Variants in RIPOR2 observed in about 807,000 individuals in gnomAD.
RIPOR2 encodes RHO family interacting cell polarization regulator 2, also known as rho family-interacting cell polarization regulator 2.
Under a neutral mutation model 114.5 loss-of-function variants are expected in RIPOR2, and 39 were observed. That is an observed-to-expected ratio of 0.34 (90% CI 0.26 to 0.44). The LOEUF (loss-of-function observed/expected upper bound fraction) is 0.44. RIPOR2 is among the 20% of genes least tolerant of loss of function. The pLI, the probability that RIPOR2 is intolerant of heterozygous loss-of-function variation, is 1.00. For synonymous variants in RIPOR2, 445 were observed against 484.4 expected (o/e 0.92, Z 1.07); for missense variants, 1,007 against 1,255.1 (o/e 0.80, Z 2.99).
intron 7 of RIPOR2, among the ~76,000 whole-genome samples, chr6:24,864,313 G>A (rs1764369604): frequency 6.6e-6 from 1 of 152,130 alleles, no homozygotes; most frequent in Non-Finnish European, 1.5e-5. Flanking sequence ...CTGTGTGACA[G>A]AGCAAGACTC....
chr6:24,983,148 C>T (rs972471885), intron 1 of RIPOR2, among the ~76,000 whole-genome samples: 14 of 151,688 alleles, frequency 9.2e-5, no homozygotes, highest in African/African-American at 3.4e-4. Flanking sequence ...AAACTCTCTA[C>T]TTATGTTAAT....
intron 7 of RIPOR2, among the ~76,000 whole-genome samples, chr6:24,863,137 G>T (rs1273844929): frequency 2.6e-5 from 4 of 151,994 alleles, no homozygotes; most frequent in Non-Finnish European, 5.9e-5. Context: ...ATTTTTAGTA[G>T]AGACGGGGTT....
chr6:24,834,219 A>G (rs956615540), intron 15 of RIPOR2, among the ~76,000 whole-genome samples: 14 of 152,198 alleles, frequency 9.2e-5, no homozygotes, highest in African/African-American at 3.4e-4. Context: ...AGGAGTTATA[A>G]TTGCCAACCA....
intron 15 of RIPOR2, among the ~76,000 whole-genome samples, chr6:24,833,433 G>T (rs558874404): frequency 6.6e-6 from 1 of 151,992 alleles, no homozygotes; most frequent in Non-Finnish European, 1.5e-5. Context: ...CCCTGGAGGC[G>T]GAGGCTGCAG....
At chr6:24,960,875 A>C (rs930236278) in intron 1 of RIPOR2, among the ~76,000 whole-genome samples, 1 of 152,090 alleles carries the variant, frequency 6.6e-6, no homozygotes, top group Non-Finnish European at 1.5e-5. Context: ...ACCACAGCAC[A>C]TGTTATTAAC....
Position 24,809,777 on chromosome 6 carries a change from A to G in RIPOR2, c.2983T>C (p.Leu995=). Residue 995 remains leucine (L), a synonymous_variant, in exon 21 of 22, where the codon TTG becomes CTG. Transcript: ENST00000643898. ...ATTTCTTCAGTATCAGATTGACACA[A>G]TGTCACCAGCATTTTAATGCTTTCA... ...ATESIKMLVT[L]CQSDTEEIRN... is the part of the protein sequence containing the mutation. 6.4e-7 allele frequency: 1 copy of G among 1,550,766 alleles called. No homozygotes were observed. Among genetic ancestry groups the G allele is most frequent in the Non-Finnish European group, 8.7e-7 (1 of 1,146,142 alleles).
At chr6:24,896,445 G>A (rs1001328137) in intron 1 of RIPOR2, among the ~76,000 whole-genome samples, 15 of 151,748 alleles carry the variant, frequency 9.9e-5, no homozygotes, top group Non-Finnish European at 2.2e-4. Context: ...TCTCCTAGAG[G>A]AAAAAAAACT....
intron 19 of RIPOR2, among the ~76,000 whole-genome samples, chr6:24,820,835 A>G (rs1223044792): frequency 6.7e-6 from 1 of 149,014 alleles, no homozygotes; most frequent in East Asian, 2.0e-4. Flanking sequence ...ATCTGTGTAC[A>G]AGGTTTTTTT....
intron 20 of RIPOR2, 135 bp from the exon 21 acceptor site, chr6:24,809,942 C>T: frequency 4.7e-6 from 3 of 644,686 alleles, no homozygotes; most frequent in African/African-American, 3.6e-5. Context: ...GCAATCATAG[C>T]TCACTGCAGC....
chr6:24,977,270 G>GA (rs1451123990), intron 1 of RIPOR2, among the ~76,000 whole-genome samples: 1 of 144,282 alleles, frequency 6.9e-6, no homozygotes, highest in African/African-American at 2.5e-5. Flanking sequence ...CATACATATA[G>GA]AAAAAAATAC....
At chr6:24,908,361 C>T (rs1472652195) in intron 1 of RIPOR2, among the ~76,000 whole-genome samples, 1 of 152,180 alleles carries the variant, frequency 6.6e-6, no homozygotes, top group African/African-American at 2.4e-5. Context: ...TTTGCAAACC[C>T]TTCAACCCAA....
chr6:24,988,669 T>TTGTGTGTG (rs10683468), intron 1 of RIPOR2, among the ~76,000 whole-genome samples: 1 of 150,564 alleles, frequency 6.6e-6, no homozygotes, highest in South Asian at 2.1e-4. Flanking sequence ...CAACATCTGG[T>TTGTGTGTG]TGTGTGTGTG....
intron 1 of RIPOR2, among the ~76,000 whole-genome samples, chr6:24,923,634 C>G (rs1413379538): frequency 1.3e-5 from 2 of 152,004 alleles, no homozygotes; most frequent in Non-Finnish European, 2.9e-5. Flanking sequence ...CACTTGAGGC[C>G]AGGAGTTTGA....
intron 1 of RIPOR2, chr6:24,911,009 C>T: frequency 2.0e-6 from 2 of 984,518 alleles, no homozygotes; most frequent in Non-Finnish European, 2.4e-6. Flanking sequence ...GCGCCGGCTG[C>T]CCTGCCGCGT....
At chr6:24,898,213 A>G (rs1245372687) in intron 1 of RIPOR2, among the ~76,000 whole-genome samples, 4 of 152,134 alleles carry the variant, frequency 2.6e-5, no homozygotes, top group African/African-American at 9.7e-5. Context: ...GGCCTTACCT[A>G]AACAAAGCTT....
chr6:24,928,043 C>T (rs1771096427), intron 1 of RIPOR2, among the ~76,000 whole-genome samples: 2 of 152,178 alleles, frequency 1.3e-5, no homozygotes, highest in Admixed American at 1.3e-4. Context: ...ATGCAGACCA[C>T]TCAAAACTGC....
intron 1 of RIPOR2, among the ~76,000 whole-genome samples, chr6:24,957,604 T>C (rs1773092730): frequency 1.3e-5 from 2 of 152,190 alleles, no homozygotes; most frequent in Admixed American, 1.3e-4. Flanking sequence ...TCGGGTGCAG[T>C]GGCTCACGCC....
intron 1 of RIPOR2, among the ~76,000 whole-genome samples, chr6:24,969,645 G>T (rs1773687684): frequency 6.6e-6 from 1 of 152,132 alleles, no homozygotes; most frequent in Non-Finnish European, 1.5e-5. Context: ...ACCAGTAGCA[G>T]AATGGGTTTT....
intron 15 of RIPOR2, among the ~76,000 whole-genome samples, chr6:24,835,013 C>T (rs544174871): frequency 2.0e-5 from 3 of 152,280 alleles, no homozygotes; most frequent in African/African-American, 7.2e-5. Flanking sequence ...AGAAAAGCAA[C>T]CAGGCAAGGA....
Sources: gnomAD v4.1 joint callset for allele counts (sites outside exome capture counted in the v4.1 genomes callset) on GRCh38, gnomAD v4.1.1 for gene constraint, MANE v1.5 for transcripts, NCBI Gene and HGNC (gene_info 2026-07-23, HGNC 2026-07-21) for gene names.